The following COBL variants were observed in gnomAD, a reference collection of about 807,000 sequenced individuals.
The protein encoded by COBL is cordon-bleu WH2 repeat protein.
In COBL, 51 loss-of-function variants were observed where a neutral mutation model predicts 98.8. The ratio of observed to expected loss-of-function variants is 0.52; its 90% CI spans 0.41 to 0.65. The LOEUF is 0.65. COBL is among the 30% of genes least tolerant of loss of function. The pLI is 0.00. For missense variants in COBL, 1,617 were observed against 1,617.5 expected, an observed-to-expected ratio of 1.00 and a Z score of 0.01; for synonymous variants, 634 against 651.7, an observed-to-expected ratio of 0.97 and a Z score of 0.41.
At chr7:51,046,087 G>T (rs557367363) in intron 7 of COBL, among the ~76,000 whole-genome samples, 1 of 152,252 alleles carries the variant, frequency 6.6e-6, no homozygotes, top group Non-Finnish European at 1.5e-5. Flanking sequence ...CTCTCAGGAG[G>T]TTTATCTGCG....
intron 1 of COBL, among the ~76,000 whole-genome samples, chr7:51,222,694 T>C (rs1156416981): frequency 2.0e-5 from 3 of 151,984 alleles, no homozygotes; most frequent in African/African-American, 7.2e-5. Context: ...ACATTAGCAT[T>C]ACCTCCCAAA....
Position 51,027,938 on chromosome 7 carries a change from G to C in COBL, c.3158C>G (p.Pro1053Arg), listed in dbSNP as rs201041607. 82 of 1,613,238 alleles carry C rather than the reference G, an allele frequency of 5.1e-5. No individual in the cohort carries two copies. Among genetic ancestry groups the C allele is most frequent in the Non-Finnish European group, 6.7e-5 (79 of 1,179,500 alleles). The stretch of plus-strand genomic sequence containing the variant: ...GTGGCTTTCTGTGCCAGACCCTCCT[G>C]GAGGGTGGGAAGGCTCGCCGTGGCC... ...APGHGEPSHPPGGSGTESHIL... is the reference protein window; with the variant it reads ...APGHGEPSHPRGGSGTESHIL... The change falls in exon 10 of 13, where the codon CCA (proline) becomes CGA (arginine). Residue 1053 changes from proline to arginine, a missense_variant. Coordinates refer to ENST00000265136, the MANE Select transcript of COBL (RefSeq NM_015198.5).
chr7:51,141,356 G>C (rs570843048), intron 5 of COBL, among the ~76,000 whole-genome samples: 5 of 152,262 alleles, frequency 3.3e-5, no homozygotes, highest in East Asian at 1.9e-4. Flanking sequence ...TCTCAGCAGA[G>C]GCTCTTCTAA....
chr7:51,292,553 T>A (rs1356732037), intron 1 of COBL, among the ~76,000 whole-genome samples: 2 of 152,258 alleles, frequency 1.3e-5, no homozygotes, highest in Non-Finnish European at 2.9e-5. Flanking sequence ...CACATTCTAT[T>A]TGCTGACGCA....
chr7:51,182,693 G>A (rs1041605445), intron 5 of COBL, among the ~76,000 whole-genome samples: 2 of 152,212 alleles, frequency 1.3e-5, no homozygotes, highest in African/African-American at 4.8e-5. Context: ...GTTGGAGAGT[G>A]GGAGGGGATA....
intron 7 of COBL, among the ~76,000 whole-genome samples, chr7:51,063,387 G>A (rs1158196051): frequency 2.6e-5 from 4 of 152,116 alleles, no homozygotes; most frequent in South Asian, 4.1e-4. Context: ...CGCCTGCCTC[G>A]GCCTCCCAAA....
At chr7:51,040,277 C>T (rs558679749) in intron 8 of COBL, among the ~76,000 whole-genome samples, 3 of 151,092 alleles carry the variant, frequency 2.0e-5, no homozygotes, top group African/African-American at 2.4e-5. Flanking sequence ...AACACACACA[C>T]ACACACACAA....
At chr7:51,177,819 A>AAATAAAT in intron 5 of COBL, among the ~76,000 whole-genome samples, 1 of 144,634 alleles carries the variant, frequency 6.9e-6, no homozygotes, top group South Asian at 2.3e-4. Context: ...AATAAATAAA[A>AAATAAAT]ATTTAAAAGG....
intron 8 of COBL, among the ~76,000 whole-genome samples, chr7:51,036,714 A>C (rs1186376611): frequency 1.3e-5 from 2 of 152,218 alleles, no homozygotes; most frequent in Non-Finnish European, 2.9e-5. Context: ...GAAATGGGAC[A>C]TCGGGCACTC....
intron 9 of COBL, among the ~76,000 whole-genome samples, chr7:51,029,981 C>G (rs1440293130): frequency 1.3e-5 from 2 of 152,196 alleles, no homozygotes; most frequent in Non-Finnish European, 2.9e-5. Flanking sequence ...CAGAGGACCA[C>G]GGGCTGTAGC....
At chr7:51,131,085 T>TA (rs1267347668) in intron 6 of COBL, among the ~76,000 whole-genome samples, 1 of 152,216 alleles carries the variant, frequency 6.6e-6, no homozygotes, top group Non-Finnish European at 1.5e-5. Context: ...CATCATCACT[T>TA]ATTTTAATGG....
chr7:51,309,118 G>A (rs993461904), intron 1 of COBL, among the ~76,000 whole-genome samples: 2 of 152,124 alleles, frequency 1.3e-5, no homozygotes, highest in African/African-American at 4.8e-5. Context: ...GCCCTCACAG[G>A]AGTCATAAAT....
chr7:51,123,295 G>C (rs1231019123), intron 6 of COBL, among the ~76,000 whole-genome samples: 1 of 152,174 alleles, frequency 6.6e-6, no homozygotes, highest in Non-Finnish European at 1.5e-5. Flanking sequence ...AATTTGACAT[G>C]GGTTCCAGAC....
intron 5 of COBL, among the ~76,000 whole-genome samples, chr7:51,169,966 C>G (rs1449068539): frequency 6.6e-6 from 1 of 151,866 alleles, no homozygotes; most frequent in African/African-American, 2.4e-5. Flanking sequence ...ATATATATAC[C>G]TAGTCTATAC....
At chr7:51,112,275 T>C (rs988282246) in intron 6 of COBL, among the ~76,000 whole-genome samples, 1 of 152,232 alleles carries the variant, frequency 6.6e-6, no homozygotes, top group African/African-American at 2.4e-5. Context: ...ATGGAAATTG[T>C]ATTGCTCTCC....
chr7:51,315,674 G>C (rs1030030872), intron 1 of COBL, among the ~76,000 whole-genome samples: 1 of 152,198 alleles, frequency 6.6e-6, no homozygotes, highest in Non-Finnish European at 1.5e-5. Context: ...AGTCCACCGG[G>C]ACTGCGCGCT....
At chr7:51,228,689 T>C (rs1794436961) in intron 1 of COBL, among the ~76,000 whole-genome samples, 1 of 152,190 alleles carries the variant, frequency 6.6e-6, no homozygotes, top group Non-Finnish European at 1.5e-5. Flanking sequence ...AACACTGATA[T>C]CTCACAACAC....
intron 7 of COBL, chr7:51,070,811 A>AC (rs1792466728): frequency 6.6e-6 from 1 of 152,232 alleles, no homozygotes; most frequent in Non-Finnish European, 1.5e-5. Context: ...GTAAACAGTA[A>AC]CGACTTTTCC....
intron 11 of COBL, 106 bp from the exon 12 acceptor site, chr7:51,025,478 G>C: frequency 8.5e-7 from 1 of 1,182,336 alleles, no homozygotes. Context: ...GAGGATTGGG[G>C]GTGACTAGGT....
Sources: allele counts gnomAD v4.1 joint callset (sites outside exome capture counted in the v4.1 genomes callset), GRCh38; gene constraint gnomAD v4.1.1; transcripts MANE v1.5; gene names NCBI Gene and HGNC (gene_info 2026-07-23, HGNC 2026-07-21).